The following CRMP1 variants were observed in gnomAD, a reference collection of about 807,000 sequenced individuals.
The protein encoded by CRMP1 is collapsin response mediator protein 1, also known as dihydropyrimidinase-related protein 1.
Under a neutral mutation model 68.3 loss-of-function variants are expected in CRMP1, and 19 were observed. The ratio of observed to expected loss-of-function variants is 0.28; its 90% CI spans 0.19 to 0.41. The LOEUF (loss-of-function observed/expected upper bound fraction) is 0.41, where lower values mean the gene tolerates loss of function less well. Ranked by LOEUF, CRMP1 falls within the 10% of genes least tolerant of loss-of-function variation. The probability of loss-of-function intolerance (pLI) is 1.00; values close to 1 mark genes in which losing one functional copy is unlikely to be tolerated. For synonymous variants in CRMP1, 439 were observed against 399.6 expected (o/e 1.10, Z -1.18); for missense variants, 791 against 967.4 (o/e 0.82, Z 2.42).
At position 5,834,702 on chromosome 4, in the gene CRMP1, T is replaced by G. The variant is rs186404611; in HGVS notation, c.1623+1213A>C. Among the ~76,000 whole-genome samples the G allele has an allele frequency of 6.6e-6, 1 of 152,344 alleles. No individual in the cohort carries two copies. The highest frequency in any genetic ancestry group is 1.5e-5 in the Non-Finnish European group (1 of 68,032). On this transcript the variant is annotated intron_variant, in intron 11 of 13. Transcript: ENST00000324989. This position sits in a 1 kb window ranked among gnomAD's most constrained non-coding sequence, Gnocchi z 4.3. The stretch of plus-strand genomic sequence containing the variant: ...CCAAGCAGTGTGTACACACGTGAAA[T>G]AATTCATAATAAATAATAGAATTGC...
Position 5,880,039 on chromosome 4 carries a change from T to C in CRMP1, c.381+12550A>G, listed in dbSNP as rs535523754. On this transcript the variant is annotated intron_variant, in intron 1 of 13. Transcript: ENST00000324989. The stretch of plus-strand genomic sequence containing the variant: ...GGAATAGCAGTGTGGAAGAAGAAAC[T>C]TGGGGAGACTCTTGAGAACAAAAGT... Among the ~76,000 whole-genome samples the C allele has an allele frequency of 1.7e-4, 26 of 152,210 alleles. No individual in the cohort carries two copies. The Middle Eastern group carries it at 0.014, about 80-fold the overall frequency.
Position 5,879,174 on chromosome 4 carries a change from G to A in CRMP1, c.382-12418C>T, listed in dbSNP as rs892520307. On this transcript the variant is annotated intron_variant, in intron 1 of 13. Transcript: ENST00000324989. The surrounding 1 kb of genome is among the most constrained non-coding windows in gnomAD (Gnocchi z 4.2). ...GCCTGAGCCCGGCCCTCTCTCGGCC[G>A]CGCCCCACCACATCTATCTACGCAC... 2.6e-5 allele frequency among the ~76,000 whole-genome samples: 4 copies of A among 152,114 alleles called. No individual in the cohort carries two copies. Among genetic ancestry groups the A allele is most frequent in the Admixed American group, 1.3e-4 (2 of 15,294 alleles).
chr4:5,878,737 A>C (rs1375400960), intron 1 of CRMP1, among the ~76,000 whole-genome samples: 1 of 152,016 alleles, frequency 6.6e-6, no homozygotes, highest in African/African-American at 2.4e-5. Flanking sequence ...GTTTCTCATC[A>C]AATGCAGAGG....
rs1486212606 is a variant in CRMP1, at chr4:5,883,105, C to T, written c.381+9484G>A. On this transcript the variant is annotated intron_variant, in intron 1 of 13. Coordinates refer to ENST00000324989, the MANE Select transcript of CRMP1 (RefSeq NM_001014809.3). The surrounding 1 kb of genome is among the most constrained non-coding windows in gnomAD (Gnocchi z 4.5). The stretch of plus-strand genomic sequence containing the variant: ...CTTCCCTTCCCTCAACCAATCAAGT[C>T]CCTCAACACCTGGCTGATGTCATCC... Among the ~76,000 whole-genome samples, 3 of 152,152 alleles carry T rather than the reference C, an allele frequency of 2.0e-5. No individual in the cohort carries two copies. Among genetic ancestry groups the T allele is most frequent in the East Asian group, 1.9e-4 (1 of 5,196 alleles).
chr4:5,836,311 C>T (rs1342529721), intron 10 of CRMP1, among the ~76,000 whole-genome samples: 4 of 152,166 alleles, frequency 2.6e-5, no homozygotes, highest in African/African-American at 7.2e-5. Context: ...GCCACTATGA[C>T]ATCTTGTCCA....
At position 5,836,849 on chromosome 4, in the gene CRMP1, C is replaced by T. The variant is rs146254380; in HGVS notation, c.1368G>A (p.Ala456=). The T allele has an allele frequency of 1.1e-4, 184 of 1,614,160 alleles. No individual in the cohort carries two copies. The highest frequency in any genetic ancestry group is 1.4e-4 in the Non-Finnish European group (165 of 1,179,998). ...GHCPYSTAQK[A]VGKDNFTLIP... is the part of the protein sequence containing the mutation. ...TCAGGGTAAAGTTGTCCTTGCCCAC[C>T]GCCTTCTGGGCAGTGCTGTAGGGAC... Residue 456 remains alanine, a synonymous_variant, in exon 10 of 14, where the codon GCG becomes GCA. Coordinates refer to ENST00000324989, the MANE Select transcript of CRMP1 (RefSeq NM_001014809.3).
At chr4:5,864,959 T>TG (rs930868909) in intron 2 of CRMP1, among the ~76,000 whole-genome samples, 6 of 4,212 alleles carry the variant, frequency 1.4e-3, no homozygotes, top group Non-Finnish European at 2.6e-3. Flanking sequence ...GGGGGTGGGC[T>TG]GGGGGGAGGC....
rs548881025 is a variant in CRMP1, at chr4:5,877,386, C to G, written c.382-10630G>C. Among the ~76,000 whole-genome samples, 3 of 152,206 alleles carry G rather than the reference C, an allele frequency of 2.0e-5. No homozygotes were observed. Among genetic ancestry groups the G allele is most frequent in the Non-Finnish European group, 4.4e-5 (3 of 68,036 alleles). On this transcript the variant is annotated intron_variant, in intron 1 of 13. Coordinates refer to ENST00000324989, the MANE Select transcript of CRMP1 (RefSeq NM_001014809.3). This position sits in a 1 kb window ranked among gnomAD's most constrained non-coding sequence, Gnocchi z 4.3. The stretch of plus-strand genomic sequence containing the variant: ...GGTTTTATAGCTCAAATACGTCAAA[C>G]TTCCATGACTTGGTCCCTACCTTGA...
chr4:5,892,109 C>G lies in CRMP1; in HGVS notation c.381+480G>C, dbSNP rs1715978504. 6.6e-6 allele frequency among the ~76,000 whole-genome samples: 1 copy of G among 152,348 alleles called. No homozygotes were observed. The highest frequency in any genetic ancestry group is 6.5e-5 in the Admixed American group (1 of 15,306). On this transcript the variant is annotated intron_variant, in intron 1 of 13. Transcript: ENST00000324989. This position sits in a 1 kb window ranked among gnomAD's most constrained non-coding sequence, Gnocchi z 8.6. ...CAGCTTTAAGCTGTGTGGCCGCAGG[C>G]GACTCGCGGAACCTCTCCCGGGGCC... is the stretch of plus-strand genomic sequence containing the variant.
intron 12 of CRMP1, among the ~76,000 whole-genome samples, chr4:5,827,360 C>A (rs1241699472): frequency 6.6e-6 from 1 of 152,176 alleles, no homozygotes; most frequent in Non-Finnish European, 1.5e-5. Flanking sequence ...GTTTCCACCC[C>A]ATCCCTTGTT....
intron 12 of CRMP1, chr4:5,826,165 G>C: frequency 6.4e-6 from 1 of 157,472 alleles, no homozygotes; most frequent in Non-Finnish European, 1.4e-5. Flanking sequence ...CATGCAGGAG[G>C]ACCCCAAATC....
rs113231255 is a variant in CRMP1 at position 5,879,855 on chromosome 4, C to CA, written c.381+12733dup. The stretch of plus-strand genomic sequence containing the variant: ...CTGCATGTTCAGAAATAAAATATAG[C>CA]AAAAAAAAAAATGAGACGAAAGGAA... On this transcript the variant is annotated intron_variant, in intron 1 of 13. Transcript: ENST00000324989. The surrounding 1 kb of genome is among the most constrained non-coding windows in gnomAD (Gnocchi z 4.2). Among the ~76,000 whole-genome samples, 17,663 of 136,030 alleles carry CA rather than the reference C, an allele frequency of 0.13. 1,538 individuals are homozygous for CA. The highest frequency in any genetic ancestry group is 0.26 in the African/African-American group (9,993 of 37,882). 89.2% of individuals were successfully genotyped at this position (136,030 alleles called of 152,430 possible).
intron 11 of CRMP1, among the ~76,000 whole-genome samples, chr4:5,831,449 C>T (rs369605837): frequency 2.0e-5 from 3 of 152,206 alleles, no homozygotes; most frequent in East Asian, 3.8e-4. Context: ...GCCAGCCTCG[C>T]AGGACCCAGG....
rs147061838 is a variant in CRMP1 at position 5,865,614 on chromosome 4, C to T, written c.470+1054G>A. On this transcript the variant is annotated intron_variant, in intron 2 of 13. Coordinates refer to ENST00000324989, the MANE Select transcript of CRMP1 (RefSeq NM_001014809.3). This position sits in a 1 kb window ranked among gnomAD's most constrained non-coding sequence, Gnocchi z 4.1. The stretch of plus-strand genomic sequence containing the variant: ...CCAGCCTGGTGACAGAGTGAGACTC[C>T]GTCTCAAAAAAAAAAAAAAAAAAGA... Among the ~76,000 whole-genome samples the T allele has an allele frequency of 0.012, 1,637 of 136,868 alleles. 51 individuals carry two copies. Among genetic ancestry groups the T allele is most frequent in the East Asian group, 0.11 (535 of 4,880 alleles). 89.8% of individuals were successfully genotyped at this position (136,868 alleles called of 152,430 possible).
chr4:5,824,291 T>G, intron 13 of CRMP1: 1 of 985,372 alleles, frequency 1.0e-6, no homozygotes, highest in Non-Finnish European at 1.2e-6. Context: ...CACATGACTT[T>G]TAGCATTCTA....
At chr4:5,849,341 A>C in intron 6 of CRMP1, 51 bp downstream of exon 6, 2 of 1,461,264 alleles carry the variant, frequency 1.4e-6, no homozygotes, top group Non-Finnish European at 1.9e-6. Flanking sequence ...AACCTTTTGC[A>C]ACAAGGAGAA....
At position 5,834,110 on chromosome 4, in the gene CRMP1, G is replaced by A. The variant is rs113089652; in HGVS notation, c.1623+1805C>T. On this transcript the variant is annotated intron_variant, in intron 11 of 13. Transcript: ENST00000324989. This position sits in a 1 kb window ranked among gnomAD's most constrained non-coding sequence, Gnocchi z 4.3. ...TCTACTTCCTTCTGGGTCCTTGTCC[G>A]CCGACCTTTGACTGGCTGACACAGA... is the stretch of plus-strand genomic sequence containing the variant. Among the ~76,000 whole-genome samples the A allele has an allele frequency of 7.1e-3, 1,076 of 152,274 alleles. 9 individuals are homozygous for A. The highest frequency in any genetic ancestry group is 0.024 in the African/African-American group (1,017 of 41,558).
At position 5,865,619 on chromosome 4, in the gene CRMP1, CAAA is replaced by C. The variant is rs1272645571; in HGVS notation, c.470+1046_470+1048del. Among the ~76,000 whole-genome samples the C allele has an allele frequency of 1.1e-4, 9 of 78,804 alleles. No homozygotes were observed. The highest frequency in any genetic ancestry group is 1.5e-4 in the Admixed American group (1 of 6,734). The allele number at this position is 78,804 out of a possible 152,430, so 51.7% of individuals were successfully genotyped here. On this transcript the variant is annotated intron_variant, in intron 2 of 13. Coordinates refer to ENST00000324989, the MANE Select transcript of CRMP1 (RefSeq NM_001014809.3). The surrounding 1 kb of genome is among the most constrained non-coding windows in gnomAD (Gnocchi z 4.1). ...CTGGTGACAGAGTGAGACTCCGTCTCAAAAAAAAAAAAAAAAAAGAAGGCCGCC... is the reference window on the plus strand; with the variant it reads ...CTGGTGACAGAGTGAGACTCCGTCTCAAAAAAAAAAAAAAAGAAGGCCGCC...
chr4:5,841,470 G>A lies in CRMP1; in HGVS notation c.1033-42C>T, dbSNP rs765200646. On this transcript the variant is annotated intron_variant, in intron 7 of 13. Transcript: ENST00000324989. The surrounding 1 kb of genome is among the most constrained non-coding windows in gnomAD (Gnocchi z 6.9). ...CAGTGTCACAGGAGGGAAGGCTGGTGTAACAGCTACCACCCATCTCCATTT... is the reference window on the plus strand; with the variant it reads ...CAGTGTCACAGGAGGGAAGGCTGGTATAACAGCTACCACCCATCTCCATTT... 10 of 1,608,950 alleles carry A rather than the reference G, an allele frequency of 6.2e-6. No homozygotes were observed. The highest frequency in any genetic ancestry group is 3.3e-5 in the Admixed American group (2 of 59,878).
Sources: gnomAD v4.1 joint callset for allele counts (sites outside exome capture counted in the v4.1 genomes callset) on GRCh38, gnomAD v4.1.1 for gene constraint, Gnocchi (gnomAD v3.1) non-coding constraint, MANE v1.5 for transcripts, NCBI Gene and HGNC (gene_info 2026-07-23, HGNC 2026-07-21) for gene names.